The following BPI variants were observed in gnomAD, a reference collection of about 807,000 sequenced individuals.
BPI encodes the protein bactericidal permeability increasing protein, also known as bactericidal permeability-increasing protein.
Under a neutral mutation model 57.6 loss-of-function variants are expected in BPI, and 48 were observed. The ratio of observed to expected loss-of-function variants is 0.83; its 90% confidence interval spans 0.66 to 1.06. The LOEUF (loss-of-function observed/expected upper bound fraction) is 1.06. BPI is among the 50% of genes least tolerant of loss of function. The probability of loss-of-function intolerance (pLI) is 0.00; values close to 1 mark genes in which losing one functional copy is unlikely to be tolerated. For missense variants in BPI, 651 were observed against 609.7 expected (o/e 1.07, Z -0.71); for synonymous variants, 237 against 238.2 (o/e 0.99, Z 0.05).
rs73285007 is a variant in BPI, at chr20:38,311,404, C to T, written c.537-470C>T. Among the ~76,000 whole-genome samples, 779 of 152,328 alleles carry T rather than the reference C, an allele frequency of 5.1e-3. 2 individuals carry two copies. The highest frequency in any genetic ancestry group is 9.1e-3 in the Non-Finnish European group (617 of 68,038). ...AAAAAGAGGTACAAACTTCTATGAA[C>T]GCAGAGAACCAGAGGCTCTGACCGC... On this transcript the variant is annotated intron_variant, in intron 4 of 14. Coordinates refer to ENST00000642449, the MANE Select transcript of BPI (RefSeq NM_001725.3).
intron 7 of BPI, among the ~76,000 whole-genome samples, chr20:38,321,138 T>C (rs1461994337): frequency 8.2e-5 from 9 of 109,662 alleles, no homozygotes; most frequent in African/African-American, 2.7e-4. Flanking sequence ...GGTGGGTGTA[T>C]TGGTGGATGG....
chr20:38,330,900 CG>C (rs1445045470), intron 11 of BPI, 147 bp from the exon 12 acceptor site: 7 of 852,624 alleles, frequency 8.2e-6, no homozygotes, highest in African/African-American at 5.1e-5. Flanking sequence ...AAGGCAACAT[CG>C]GGGGGCTGTG....
chr20:38,307,528 G>A, intron 1 of BPI, 39 bp from the exon 2 acceptor site: 1 of 1,500,750 alleles, frequency 6.7e-7, no homozygotes, highest in Non-Finnish European at 9.1e-7. Flanking sequence ...CCTGCTCCAG[G>A]CTGTGCCTCT....
rs1272363160 is a variant in BPI, at chr20:38,327,672, G to A, written c.1229+17G>A. ...GCTGGATAGGTAAGTGGGCCTGTGA[G>A]AGGAGGAGGGGGCTGCCCCTCTGTC... is the stretch of plus-strand genomic sequence containing the variant. On this transcript the variant is annotated intron_variant, in intron 11 of 14. Transcript: ENST00000642449. 2.6e-5 allele frequency: 42 copies of A among 1,612,794 alleles called. No homozygotes were observed. Among genetic ancestry groups the A allele is most frequent in the Non-Finnish European group, 3.0e-5 (35 of 1,179,196 alleles).
In BPI at chr20:38,318,496, C is replaced by T; in HGVS notation, c.664+20C>T. 1 of 1,608,176 alleles carries T rather than the reference C, an allele frequency of 6.2e-7. No individual in the cohort carries two copies. The highest frequency in any genetic ancestry group is 1.7e-5 in the Admixed American group (1 of 59,978). ...TGCCAGGTGAGGGCTGGATGAAGAT[C>T]AAGGATAGAAAGGAACAGAAATGGG... On this transcript the variant is annotated intron_variant, in intron 6 of 14. Coordinates refer to ENST00000642449, the MANE Select transcript of BPI (RefSeq NM_001725.3).
intron 1 of BPI, among the ~76,000 whole-genome samples, chr20:38,306,618 C>T (rs562310057): frequency 2.6e-5 from 4 of 152,130 alleles, no homozygotes; most frequent in East Asian, 3.9e-4. Context: ...AGAAGCTGAC[C>T]GGGTGAATAT....
At chr20:38,311,426 C>A (rs2076621336) in intron 4 of BPI, among the ~76,000 whole-genome samples, 1 of 152,220 alleles carries the variant, frequency 6.6e-6, no homozygotes, top group Non-Finnish European at 1.5e-5. Context: ...GAGGCTCTGA[C>A]CGCATCTGGG....
intron 11 of BPI, among the ~76,000 whole-genome samples, chr20:38,329,221 G>C (rs1302331472): frequency 6.6e-6 from 1 of 151,584 alleles, no homozygotes; most frequent in East Asian, 1.9e-4. Context: ...AGGGAGTCGG[G>C]GGGCAGAGAG....
intron 5 of BPI, 31 bp downstream of exon 5, chr20:38,311,968 C>G: frequency 1.2e-6 from 2 of 1,608,002 alleles, no homozygotes; most frequent in African/African-American, 2.7e-5. Flanking sequence ...CATCAGCAAA[C>G]AGAGGAGAAG....
chr20:38,324,449 G>C (rs896515093), intron 8 of BPI, among the ~76,000 whole-genome samples: 16 of 152,224 alleles, frequency 1.1e-4, no homozygotes, highest in Admixed American at 2.6e-4. Context: ...TCCAGTCCTA[G>C]CACCATGCTA....
chr20:38,315,293 C>G (rs75444346), intron 5 of BPI, among the ~76,000 whole-genome samples: 3 of 152,126 alleles, frequency 2.0e-5, no homozygotes, highest in Non-Finnish European at 4.4e-5. Context: ...GAAGCAAGTA[C>G]TGGCCTGAAT....
Position 38,337,143 on chromosome 20 carries a change from T to G in BPI, c.1414-3T>G. The G allele has an allele frequency of 1.2e-6, 2 of 1,602,726 alleles. No homozygotes were observed. The highest frequency in any genetic ancestry group is 2.7e-5 in the African/African-American group (2 of 74,220). On this transcript the variant is annotated splice_polypyrimidine_tract_variant and splice_region_variant and intron_variant, in intron 14 of 14. Transcript: ENST00000642449. The stretch of plus-strand genomic sequence containing the variant: ...TGGTGACAACATTCTCATCTCTCCC[T>G]AGAACTTCCTGCTGTTCGGTGCAGA...
rs5741808 is a variant in BPI, at chr20:38,326,186, G to A, written c.994-79G>A. ...GGAAGACATTGAAGGTATTTAAGTA[G>A]GGGCAGGCCAAGGTAGGATTCAGAA... On this transcript the variant is annotated intron_variant, in intron 9 of 14. Coordinates refer to ENST00000642449, the MANE Select transcript of BPI (RefSeq NM_001725.3). 5,345 of 1,415,700 alleles carry A rather than the reference G, an allele frequency of 3.8e-3. 182 individuals are homozygous for A. The African/African-American group carries it at 0.066, about 17-fold the overall frequency. 87.7% of individuals were successfully genotyped at this position (1,415,700 alleles called of 1,614,324 possible).
intron 11 of BPI, among the ~76,000 whole-genome samples, chr20:38,328,826 G>C (rs540818882): frequency 6.9e-6 from 1 of 144,474 alleles, no homozygotes; most frequent in Admixed American, 6.7e-5. Context: ...GTGAGACCTC[G>C]TCTCTACCAA....
chr20:38,308,829 C>A, intron 2 of BPI, 101 bp from the exon 3 acceptor site: 1 of 1,461,108 alleles, frequency 6.8e-7, no homozygotes, highest in Non-Finnish European at 9.4e-7. Flanking sequence ...AGTGAAGGAC[C>A]AGGTGGTGGG....
chr20:38,310,154 C>T (rs1453418220), intron 3 of BPI, among the ~76,000 whole-genome samples: 2 of 152,206 alleles, frequency 1.3e-5, no homozygotes, highest in African/African-American at 4.8e-5. Context: ...CTGAGACACA[C>T]ACTCTGGTGT....
chr20:38,334,947 C>T (rs896144581), intron 13 of BPI, among the ~76,000 whole-genome samples: 11 of 152,124 alleles, frequency 7.2e-5, no homozygotes, highest in Non-Finnish European at 1.5e-5. Flanking sequence ...CTGGTAAGAG[C>T]TTCAGGCAGG....
rs756745235 is a variant in BPI at position 38,320,276 on chromosome 20, T to A, written c.756+2T>A. The A allele has an allele frequency of 6.2e-7, 1 of 1,613,308 alleles. No individual in the cohort carries two copies. ...GAGACCCTGGATGTACAGATGAAGG[T>A]GAGGCTGACACTGAGAATCATACAC... On this transcript the variant is annotated splice_donor_variant, in intron 7 of 14. Coordinates refer to ENST00000642449, the MANE Select transcript of BPI (RefSeq NM_001725.3). LOFTEE classifies it high-confidence loss of function.
chr20:38,310,423 C>G (rs973328514), intron 3 of BPI, 68 bp from the exon 4 acceptor site: 1 of 1,565,534 alleles, frequency 6.4e-7, no homozygotes, highest in Non-Finnish European at 8.7e-7. Context: ...CCTTCCAGCA[C>G]TGGGGCAAAG....
Sources: gnomAD v4.1 joint callset for allele counts (sites outside exome capture counted in the v4.1 genomes callset) on GRCh38, gnomAD v4.1.1 for gene constraint, MANE v1.5 for transcripts, NCBI Gene and HGNC (gene_info 2026-07-23, HGNC 2026-07-21) for gene names.